The following LEPR variants were observed in gnomAD, a reference collection of about 807,000 sequenced individuals.
The protein encoded by LEPR is leptin receptor, also known as OB receptor.
LEPR carries 56 observed loss-of-function variants against 114.7 expected under a neutral mutation model. The observed-to-expected ratio is 0.49, with a 90% confidence interval of 0.39 to 0.61. The LOEUF is 0.61. Among genes scored for constraint, LEPR ranks in the 20% least tolerant of loss-of-function variants. LEPR has a pLI of 0.00. For missense variants in LEPR, 1,202 were observed against 1,352.9 expected, an observed-to-expected ratio of 0.89 and a Z score of 1.75; for synonymous variants, 443 against 461.4, an observed-to-expected ratio of 0.96 and a Z score of 0.51.
At chr1:65,568,979 GA>G (rs1174925421) in intron 3 of LEPR, among the ~76,000 whole-genome samples, 6 of 152,052 alleles carry the variant, frequency 3.9e-5, no homozygotes, top group Non-Finnish European at 7.4e-5. Flanking sequence ...CTTCTTTTGA[GA>G]AATGTCTTCA....
At chr1:65,580,871 C>G (rs974688123) in intron 5 of LEPR, among the ~76,000 whole-genome samples, 10 of 152,130 alleles carry the variant, frequency 6.6e-5, no homozygotes, top group African/African-American at 2.4e-4. Flanking sequence ...GGCCCAGAGG[C>G]ACAGATACCA....
chr1:65,456,640 T>C (rs1179056371), intron 2 of LEPR, among the ~76,000 whole-genome samples: 3 of 152,226 alleles, frequency 2.0e-5, no homozygotes, highest in African/African-American at 7.2e-5. Context: ...TCTTGTTTTC[T>C]TTTGATTAGT....
At chr1:65,589,393 T>G (rs1655534546) in intron 5 of LEPR, among the ~76,000 whole-genome samples, 1 of 152,060 alleles carries the variant, frequency 6.6e-6, no homozygotes, top group African/African-American at 2.4e-5. Flanking sequence ...TTCATAGTGC[T>G]TCTCAGAAAA....
intron 2 of LEPR, among the ~76,000 whole-genome samples, chr1:65,522,388 T>C (rs891640918): frequency 1.3e-5 from 2 of 152,162 alleles, no homozygotes; most frequent in African/African-American, 4.8e-5. Context: ...GCAGTCATCA[T>C]ATTCCAACTC....
chr1:65,596,345 G>C (rs1656062695), intron 6 of LEPR, 103 bp from the exon 7 acceptor site: 1 of 1,429,728 alleles, frequency 7.0e-7, no homozygotes, highest in East Asian at 2.4e-5. Flanking sequence ...TTAAGTACTT[G>C]AAAGGCAAGA....
At chr1:65,479,266 A>G (rs1014834601) in intron 2 of LEPR, among the ~76,000 whole-genome samples, 60 of 142,492 alleles carry the variant, frequency 4.2e-4, no homozygotes, top group Admixed American at 1.3e-3. Flanking sequence ...AGTACAGGAC[A>G]TATTTTTTTT....
chr1:65,627,864 T>A (rs1396107431), intron 19 of LEPR, among the ~76,000 whole-genome samples: 1 of 152,204 alleles, frequency 6.6e-6, no homozygotes, highest in Non-Finnish European at 1.5e-5. Flanking sequence ...CTTTAATTTG[T>A]TCTCCAAATT....
At position 65,445,431 on chromosome 1, in the gene LEPR, T is replaced by A. The variant is rs1646701728; in HGVS notation, c.-21+20053T>A. On this transcript the variant is annotated intron_variant, in intron 2 of 19. Transcript: ENST00000349533. ...GTTGCTGGTAAGTATCATTCTTCCT[T>A]CTGTCCTTCGAACCCCAAATGACAC... Among the ~76,000 whole-genome samples the A allele has an allele frequency of 2.0e-5, 3 of 152,196 alleles. No homozygotes were observed. In the South Asian group the frequency reaches 6.2e-4, roughly 31 times the overall value.
chr1:65,618,211 C>G, intron 16 of LEPR, 65 bp downstream of exon 16: 15 of 1,417,490 alleles, frequency 1.1e-5, no homozygotes, highest in East Asian at 2.3e-5. Context: ...ATTATTAATT[C>G]TATTAATATA....
intron 14 of LEPR, among the ~76,000 whole-genome samples, chr1:65,614,044 C>A (rs1188013897): frequency 2.6e-5 from 4 of 152,224 alleles, no homozygotes; most frequent in African/African-American, 9.6e-5. Context: ...TTGGTAATTT[C>A]TTACAAATTT....
At position 65,641,262 on chromosome 1, in the gene LEPR, A is replaced by T. The variant is rs1644865275; in HGVS notation, c.*4247A>T. 6.6e-6 allele frequency: 1 copy of T among 152,228 alleles called. No individual in the cohort carries two copies. The highest frequency in any genetic ancestry group is 2.1e-4 in the South Asian group (1 of 4,834). The allele number at this position is 152,228 out of a possible 1,614,324, so 9.4% of individuals were successfully genotyped here. A position where few individuals can be genotyped will look rare whatever the true frequency, so the allele number is the denominator to read the frequency against. The stretch of plus-strand genomic sequence containing the variant: ...ACCTGGAACTGAGACTGAATTTGGA[A>T]GACATTTAATTTTGTAGTGAGATAT... On this transcript the variant is annotated 3_prime_UTR_variant, in exon 20 of 20. Transcript: ENST00000349533.
In LEPR at chr1:65,639,040, A is replaced by T. The variant is rs1238404023; in HGVS notation, c.*2025A>T. 2.0e-5 allele frequency: 3 copies of T among 152,230 alleles called. No individual in the cohort carries two copies. Among genetic ancestry groups the T allele is most frequent in the African/African-American group, 4.8e-5 (2 of 41,466 alleles). The allele number at this position is 152,230 out of a possible 1,614,324, so 9.4% of individuals were successfully genotyped here. A position where few individuals can be genotyped will look rare whatever the true frequency, so the allele number is the denominator to read the frequency against. ...ATTTTGCCCCACTCTGAAATTGAAG[A>T]CTGACCTCTGAGCATGTCCGCTGAG... On this transcript the variant is annotated 3_prime_UTR_variant, in exon 20 of 20. Transcript: ENST00000349533.
At chr1:65,531,566 G>A (rs898452112) in intron 2 of LEPR, among the ~76,000 whole-genome samples, 4 of 151,604 alleles carry the variant, frequency 2.6e-5, no homozygotes. Context: ...ACTCCACAAG[G>A]GCAGAATTTT....
chr1:65,425,058 G>A (rs1646332946), intron 1 of LEPR, among the ~76,000 whole-genome samples: 1 of 151,962 alleles, frequency 6.6e-6, no homozygotes, highest in South Asian at 2.1e-4. Context: ...TTTTATTTTA[G>A]TAAATGTTTT....
At chr1:65,473,676 A>C (rs1412429884) in intron 2 of LEPR, among the ~76,000 whole-genome samples, 1 of 152,162 alleles carries the variant, frequency 6.6e-6, no homozygotes, top group Non-Finnish European at 1.5e-5. Flanking sequence ...TCTCACTTAC[A>C]ATGTGGGGAT....
At chr1:65,515,003 C>T (rs763824959) in intron 2 of LEPR, among the ~76,000 whole-genome samples, 4 of 152,110 alleles carry the variant, frequency 2.6e-5, no homozygotes, top group Admixed American at 6.5e-5. Context: ...AATTTATAAA[C>T]GATCATAGAC....
chr1:65,512,405 G>T (rs977605044), intron 2 of LEPR, among the ~76,000 whole-genome samples: 5 of 152,174 alleles, frequency 3.3e-5, no homozygotes, highest in Admixed American at 2.6e-4. Flanking sequence ...AAGGTCCTCA[G>T]ATCTGAAGCA....
chr1:65,581,953 T>C (rs1354105889), intron 5 of LEPR, among the ~76,000 whole-genome samples: 1 of 152,220 alleles, frequency 6.6e-6, no homozygotes, highest in East Asian at 1.9e-4. Flanking sequence ...CTTCCTTTTG[T>C]GCCCTCACTG....
intron 2 of LEPR, among the ~76,000 whole-genome samples, chr1:65,547,004 T>G (rs1021853645): frequency 1.5e-4 from 23 of 152,066 alleles, no homozygotes; most frequent in African/African-American, 4.8e-4. Context: ...TTATTGAGAG[T>G]TTTTAGCATG....
Sources: gnomAD v4.1 joint callset for allele counts (sites outside exome capture counted in the v4.1 genomes callset) on GRCh38, gnomAD v4.1.1 for gene constraint, MANE v1.5 for transcripts, NCBI Gene and HGNC (gene_info 2026-07-23, HGNC 2026-07-21) for gene names.